The following USH2A variants were observed in gnomAD, a reference collection of about 807,000 sequenced individuals.
The protein encoded by USH2A is usherin.
USH2A carries 443 observed loss-of-function variants against 538.9 expected under a neutral mutation model. That is an observed-to-expected ratio of 0.82 (90% CI 0.76 to 0.89). The LOEUF (loss-of-function observed/expected upper bound fraction) is 0.89, where lower values mean the gene tolerates loss of function less well. Among genes scored for constraint, USH2A ranks in the 40% least tolerant of loss-of-function variants. The pLI is 0.00. For synonymous variants in USH2A, 2,413 were observed against 2,273.5 expected, an observed-to-expected ratio of 1.06 and a Z score of -1.75; for missense variants, 6,633 against 6,324.8, an observed-to-expected ratio of 1.05 and a Z score of -1.65.
intron 13 of USH2A, among the ~76,000 whole-genome samples, 162 bp from the exon 14 acceptor site, chr1:216,232,298 A>G (rs529781364): frequency 2.6e-5 from 4 of 152,346 alleles, no homozygotes; most frequent in East Asian, 3.9e-4. Context: ...TTATGACCAA[A>G]GAAAAACTGA....
intron 30 of USH2A, among the ~76,000 whole-genome samples, chr1:216,066,782 T>C (rs1386089981): frequency 6.6e-6 from 1 of 152,192 alleles, no homozygotes; most frequent in East Asian, 1.9e-4. Context: ...CTTAATATTT[T>C]CAATATTCTT....
intron 21 of USH2A, among the ~76,000 whole-genome samples, chr1:216,167,428 C>T (rs1484419074): frequency 6.6e-6 from 1 of 152,062 alleles, no homozygotes; most frequent in Non-Finnish European, 1.5e-5. Context: ...CAAGCATGCG[C>T]ACTAAGAGGC....
intron 70 of USH2A, among the ~76,000 whole-genome samples, chr1:215,633,365 C>T (rs981450356): frequency 1.3e-5 from 2 of 152,182 alleles, no homozygotes; most frequent in African/African-American, 4.8e-5. Context: ...CCCATTGCTA[C>T]TTCCCACAAA....
At chr1:215,983,807 A>T (rs1015577086) in intron 35 of USH2A, among the ~76,000 whole-genome samples, 1 of 152,226 alleles carries the variant, frequency 6.6e-6, no homozygotes, top group Non-Finnish European at 1.5e-5. Flanking sequence ...AGTGACAATA[A>T]AGCATTCCCA....
At chr1:216,016,096 GA>G (rs753118023) in intron 32 of USH2A, among the ~76,000 whole-genome samples, 44 of 143,564 alleles carry the variant, frequency 3.1e-4, no homozygotes, top group Non-Finnish European at 6.1e-4. Context: ...TGCAAGGACA[GA>G]AAACCAAACA....
Position 216,096,470 on chromosome 1 carries a change from C to G in USH2A, c.4758+613G>C, listed in dbSNP as rs577002861. ...AACTTTTCTTCATTGATTTGTATCT[C>G]AGTTAAATATCACATTTCCAGAGAA... On this transcript the variant is annotated intron_variant, in intron 22 of 71. Transcript: ENST00000307340. Among the ~76,000 whole-genome samples, 3 of 152,280 alleles carry G rather than the reference C, an allele frequency of 2.0e-5. No homozygotes were observed. The South Asian group carries it at 6.2e-4, about 32-fold the overall frequency.
chr1:215,961,833 C>T (rs1054191710), intron 37 of USH2A, among the ~76,000 whole-genome samples: 3 of 151,716 alleles, frequency 2.0e-5, no homozygotes, highest in East Asian at 1.9e-4. Flanking sequence ...TTGACCCATA[C>T]ATGACATATT....
At chr1:216,140,788 A>G (rs2033587152) in intron 21 of USH2A, among the ~76,000 whole-genome samples, 1 of 152,200 alleles carries the variant, frequency 6.6e-6, no homozygotes, top group Non-Finnish European at 1.5e-5. Flanking sequence ...GCCCTAAGGT[A>G]ATCAGAGGAA....
chr1:215,671,971 G>A (rs1405070019), intron 63 of USH2A, among the ~76,000 whole-genome samples: 4 of 152,050 alleles, frequency 2.6e-5, no homozygotes, highest in Admixed American at 1.3e-4. Context: ...AAGACCTTGC[G>A]GGGCCAAAGT....
chr1:216,412,668 T>C (rs1260934521), intron 3 of USH2A, among the ~76,000 whole-genome samples: 1 of 151,612 alleles, frequency 6.6e-6, no homozygotes, highest in Non-Finnish European at 1.5e-5. Flanking sequence ...AAATTATATT[T>C]ACATTATAAA....
chr1:215,771,529 G>T (rs1337811699), intron 55 of USH2A, among the ~76,000 whole-genome samples: 2 of 126,550 alleles, frequency 1.6e-5, no homozygotes, highest in Non-Finnish European at 3.1e-5. Context: ...GCAGTGAGCC[G>T]AGATCCCGCC....
At chr1:216,228,956 G>A (rs138475936) in intron 14 of USH2A, among the ~76,000 whole-genome samples, 3,347 of 152,070 alleles carry the variant, frequency 0.022, 124 homozygotes, top group African/African-American at 0.076. Context: ...GGCGGATCAC[G>A]AGTTCAGGAG....
At chr1:216,129,376 A>G (rs1169494359) in intron 21 of USH2A, among the ~76,000 whole-genome samples, 3 of 152,102 alleles carry the variant, frequency 2.0e-5, no homozygotes, top group East Asian at 3.9e-4. Flanking sequence ...CCAACAGTGT[A>G]GAAGAGTTTC....
At chr1:216,111,749 C>A (rs2032875924) in intron 21 of USH2A, among the ~76,000 whole-genome samples, 2 of 145,604 alleles carry the variant, frequency 1.4e-5, no homozygotes, top group Admixed American at 6.9e-5. Flanking sequence ...GCTTCTGAAA[C>A]TAAAAAGAAA....
intron 64 of USH2A, among the ~76,000 whole-genome samples, chr1:215,662,294 C>T (rs1657461573): frequency 1.3e-5 from 2 of 152,160 alleles, no homozygotes; most frequent in South Asian, 4.1e-4. Context: ...TTGTGTTTAA[C>T]ATTTTATTTT....
At chr1:215,893,691 T>G (rs1055693231) in intron 40 of USH2A, among the ~76,000 whole-genome samples, 1 of 152,186 alleles carries the variant, frequency 6.6e-6, no homozygotes, top group Non-Finnish European at 1.5e-5. Context: ...AGTCTTCAGC[T>G]GTAAGAAACA....
intron 35 of USH2A, among the ~76,000 whole-genome samples, chr1:215,976,873 G>C (rs1667630226): frequency 6.6e-6 from 1 of 152,088 alleles, no homozygotes. Context: ...CTCATAGAAA[G>C]TGTTAAGAAG....
At chr1:216,378,701 C>A (rs557996296) in intron 3 of USH2A, among the ~76,000 whole-genome samples, 1 of 152,010 alleles carries the variant, frequency 6.6e-6, no homozygotes, top group South Asian at 2.1e-4. Context: ...CTTCCCTCAC[C>A]CACCCCTCAC....
rs1656413249 is a variant in USH2A at position 215,634,572 on chromosome 1, T to A, written c.15184A>T (p.Ile5062Leu). ...LILLAIFLSL[I>L]LQRKIHKEPY... ...TCTTTGTGGATTTTTCTTTGTAGTATCAGGGACAGAAAAATGGCCAACAAG... is the reference window on the plus strand; with the variant it reads ...TCTTTGTGGATTTTTCTTTGTAGTAACAGGGACAGAAAAATGGCCAACAAG... The change falls in exon 70 of 72, where the codon ATA becomes TTA. Residue 5062 changes from isoleucine to leucine, a missense_variant. By Grantham distance (5) the Ile-to-Leu change is conservative. Transcript: ENST00000307340. 2.5e-6 allele frequency: 4 copies of A among 1,614,146 alleles called. No homozygotes were observed. Among genetic ancestry groups the A allele is most frequent in the African/African-American group, 1.3e-5 (1 of 75,042 alleles).
Sources: allele counts gnomAD v4.1 joint callset (sites outside exome capture counted in the v4.1 genomes callset), GRCh38; gene constraint gnomAD v4.1.1; transcripts MANE v1.5; gene names NCBI Gene and HGNC (gene_info 2026-07-23, HGNC 2026-07-21).